The following CYP7B1 variants were observed in gnomAD, a reference collection of about 807,000 sequenced individuals.
CYP7B1 encodes the protein cytochrome P450 family 7 subfamily B member 1, also known as cytochrome P450 7B1.
In CYP7B1, 29 loss-of-function variants were observed where a neutral mutation model predicts 42.7. The ratio of observed to expected loss-of-function variants is 0.68; its 90% confidence interval spans 0.51 to 0.93. The LOEUF (loss-of-function observed/expected upper bound fraction) is 0.93. Among genes scored for constraint, CYP7B1 ranks in the 40% least tolerant of loss-of-function variants. CYP7B1 has a pLI of 0.00. For synonymous variants in CYP7B1, 235 were observed against 218.2 expected, an observed-to-expected ratio of 1.08 and a Z score of -0.68; for missense variants, 655 against 600.5, an observed-to-expected ratio of 1.09 and a Z score of -0.95.
intron 5 of CYP7B1, among the ~76,000 whole-genome samples, chr8:64,601,862 T>C (rs1805209824): frequency 6.6e-6 from 1 of 152,222 alleles, no homozygotes; most frequent in Non-Finnish European, 1.5e-5. Context: ...CCTATTTAGA[T>C]GTCTCCTAGC....
chr8:64,748,599 A>G (rs955378866), intron 1 of CYP7B1, among the ~76,000 whole-genome samples: 3 of 152,130 alleles, frequency 2.0e-5, no homozygotes, highest in African/African-American at 7.2e-5. Context: ...TCTGACTTTC[A>G]CAATCACTCT....
intron 1 of CYP7B1, among the ~76,000 whole-genome samples, chr8:64,651,794 T>G (rs146409600): frequency 6.6e-6 from 1 of 152,208 alleles, no homozygotes; most frequent in Non-Finnish European, 1.5e-5. Context: ...GCCTTGATCT[T>G]GGACTTCCCA....
chr8:64,664,190 C>T (rs1407653703), intron 1 of CYP7B1, among the ~76,000 whole-genome samples: 3 of 152,106 alleles, frequency 2.0e-5, no homozygotes, highest in East Asian at 1.9e-4. Context: ...CACACACACA[C>T]GTGTGTGCTG....
At chr8:64,706,310 G>A (rs1040348758) in intron 1 of CYP7B1, among the ~76,000 whole-genome samples, 3 of 152,004 alleles carry the variant, frequency 2.0e-5, no homozygotes, top group Non-Finnish European at 4.4e-5. Context: ...CCAATAATGA[G>A]TATAAGGGAA....
intron 1 of CYP7B1, among the ~76,000 whole-genome samples, chr8:64,699,960 C>T (rs1445787938): frequency 6.6e-6 from 1 of 152,092 alleles, no homozygotes; most frequent in East Asian, 1.9e-4. Context: ...AACACCTTTT[C>T]AGGGAGGATG....
chr8:64,660,337 T>C (rs973658772), intron 1 of CYP7B1, among the ~76,000 whole-genome samples: 9 of 152,200 alleles, frequency 5.9e-5, no homozygotes, highest in African/African-American at 2.2e-4. Context: ...AAACAATTCA[T>C]TATCTCATGA....
intron 1 of CYP7B1, among the ~76,000 whole-genome samples, chr8:64,669,660 T>C (rs558579231): frequency 6.6e-6 from 1 of 152,192 alleles, no homozygotes; most frequent in African/African-American, 2.4e-5. Context: ...TCAGTAAATT[T>C]ATGGTTTGCA....
intron 1 of CYP7B1, among the ~76,000 whole-genome samples, chr8:64,669,255 G>A (rs1806328780): frequency 6.6e-6 from 1 of 152,100 alleles, no homozygotes. Flanking sequence ...TCAGCTCTTA[G>A]GAAGAATTAA....
At chr8:64,778,325 A>G (rs1804361759) in intron 1 of CYP7B1, among the ~76,000 whole-genome samples, 1 of 151,916 alleles carries the variant, frequency 6.6e-6, no homozygotes, top group African/African-American at 2.4e-5. Context: ...AAAGAAATAT[A>G]AGGACAAAGT....
In CYP7B1 at chr8:64,615,202, A is replaced by G. The variant is rs1158126113; in HGVS notation, c.881T>C (p.Val294Ala). 2 of 1,613,234 alleles carry G rather than the reference A, an allele frequency of 1.2e-6. No individual in the cohort carries two copies. Among genetic ancestry groups the G allele is most frequent in the East Asian group, 2.2e-5 (1 of 44,882 alleles). ...AHHLGFLWAS[V>A]ANTIPTMFWA... The stretch of plus-strand genomic sequence containing the variant: ...GAACATAGTTGGAATAGTGTTTGCC[A>G]CAGAGGCCCAGAGAAAGCCTAAATG... The change falls in exon 4 of 6, where the codon GTG becomes GCG. Residue 294 changes from valine to alanine, a missense_variant. Transcript: ENST00000310193.
intron 1 of CYP7B1, among the ~76,000 whole-genome samples, chr8:64,698,677 T>G (rs1806868473): frequency 6.6e-6 from 1 of 152,172 alleles, no homozygotes; most frequent in Non-Finnish European, 1.5e-5. Context: ...CTGGCACATC[T>G]GAAACCTGAA....
At chr8:64,599,094 A>G (rs895838813) in intron 5 of CYP7B1, among the ~76,000 whole-genome samples, 1 of 152,214 alleles carries the variant, frequency 6.6e-6, no homozygotes, top group Non-Finnish European at 1.5e-5. Flanking sequence ...CTGGGGTCAC[A>G]GTGACACAGA....
intron 1 of CYP7B1, among the ~76,000 whole-genome samples, chr8:64,706,177 T>C (rs1806996181): frequency 6.6e-6 from 1 of 152,048 alleles, no homozygotes; most frequent in Admixed American, 6.6e-5. Flanking sequence ...TTGGTAGAAT[T>C]GACTTTGAGA....
chr8:64,596,687 C>A lies in CYP7B1; in HGVS notation c.1476G>T (p.Gln492His). Residue 492 changes from glutamine (Q) to histidine (H), a missense_variant, in exon 6 of 6, where the codon CAG (glutamine) becomes CAT (histidine). By Grantham distance (24) the Gln-to-His change is conservative (BLOSUM62 0). Transcript: ENST00000310193. ...TAAATAAAACATCAGAATCTGGATA[C>A]TGAATACCAAACAACAAGCGGCTGT... is the stretch of plus-strand genomic sequence containing the variant. ...LNYSRLLFGI[Q>H]YPDSDVLFRY... 1 of 1,613,484 alleles carries A rather than the reference C, an allele frequency of 6.2e-7. No individual in the cohort carries two copies. The highest frequency in any genetic ancestry group is 8.5e-7 in the Non-Finnish European group (1 of 1,179,740).
At chr8:64,711,820 T>C (rs1242488314) in intron 1 of CYP7B1, among the ~76,000 whole-genome samples, 3 of 152,242 alleles carry the variant, frequency 2.0e-5, no homozygotes, top group South Asian at 2.1e-4. Context: ...ACAATGCTAA[T>C]TGCAATTTAC....
downstream of CYP7B1, among the ~76,000 whole-genome samples, chr8:64,587,133 A>T (rs1409783603): frequency 1.3e-5 from 2 of 152,224 alleles, no homozygotes; most frequent in Non-Finnish European, 2.9e-5. Context: ...GGACTGGAGG[A>T]GGAAAGGAGC....
Position 64,591,780 on chromosome 8 carries a change from T to G in CYP7B1, c.*4862A>C, listed in dbSNP as rs553729928. Among the ~76,000 whole-genome samples, 30 of 152,322 alleles carry G rather than the reference T, an allele frequency of 2.0e-4. No homozygotes were observed. In the South Asian group the frequency reaches 6.2e-3, roughly 32 times the overall value. ...GATAGGTAGCTTTTTCTTAACCACT[T>G]CAGGGCTTTAGTTTCTGCTGAGTGT... On this transcript the variant is annotated 3_prime_UTR_variant, in exon 6 of 6. Transcript: ENST00000310193.
At chr8:64,675,742 G>A (rs1334336287) in intron 1 of CYP7B1, among the ~76,000 whole-genome samples, 5 of 152,072 alleles carry the variant, frequency 3.3e-5, no homozygotes, top group Non-Finnish European at 7.4e-5. Context: ...CTGGGAGCGT[G>A]GTTGTTTCTT....
At chr8:64,671,335 A>C (rs540056427) in intron 1 of CYP7B1, among the ~76,000 whole-genome samples, 6 of 152,270 alleles carry the variant, frequency 3.9e-5, no homozygotes, top group Admixed American at 1.3e-4. Context: ...AACTTTTTAC[A>C]TCAAGAGAAA....
Sources: gnomAD v4.1 joint callset for allele counts (sites outside exome capture counted in the v4.1 genomes callset) on GRCh38, gnomAD v4.1.1 for gene constraint, MANE v1.5 for transcripts, NCBI Gene and HGNC (gene_info 2026-07-23, HGNC 2026-07-21) for gene names.